SLIT2: variants seen among roughly 807,000 people sequenced by gnomAD.
The protein encoded by SLIT2 is slit guidance ligand 2.
Under a neutral mutation model 185.7 loss-of-function variants are expected in SLIT2, and 41 were observed. The ratio of observed to expected loss-of-function variants is 0.22; its 90% confidence interval spans 0.17 to 0.29. SLIT2 has a LOEUF of 0.29. Among genes scored for constraint, SLIT2 ranks in the 10% least tolerant of loss-of-function variants. The probability of loss-of-function intolerance (pLI) is 1.00; values close to 1 mark genes in which losing one functional copy is unlikely to be tolerated. For synonymous variants in SLIT2, 693 were observed against 680.2 expected (o/e 1.02, Z -0.29); for missense variants, 1,571 against 1,909.0 (o/e 0.82, Z 3.30).
At chr4:20,339,090 C>CAAA (rs398051113) in intron 4 of SLIT2, among the ~76,000 whole-genome samples, 596 of 70,460 alleles carry the variant, frequency 8.5e-3, no homozygotes, top group Non-Finnish European at 1.0e-2. Flanking sequence ...GAGACACTCT[C>CAAA]AAAAAAAAAA....
At chr4:20,417,434 G>GTATATATATATATATATATATA (rs1277638378) in intron 4 of SLIT2, among the ~76,000 whole-genome samples, 1 of 91,922 alleles carries the variant, frequency 1.1e-5, no homozygotes, top group Non-Finnish European at 2.6e-5. Flanking sequence ...ATATGTGTGT[G>GTATATATATATATATATATATA]TGTATATATA....
At chr4:20,353,542 C>T (rs781341190) in intron 4 of SLIT2, among the ~76,000 whole-genome samples, 52 of 151,962 alleles carry the variant, frequency 3.4e-4, no homozygotes, top group South Asian at 6.2e-4. Flanking sequence ...AAACAAAAAG[C>T]GGTTATTTTA....
chr4:20,531,755 GTGT>G (rs1721831840), intron 16 of SLIT2, among the ~76,000 whole-genome samples: 1 of 143,924 alleles, frequency 6.9e-6, no homozygotes. Flanking sequence ...TTTGATCTTT[GTGT>G]TTTTTTTTTT....
At chr4:20,601,288 C>G (rs1488843225) in intron 33 of SLIT2, among the ~76,000 whole-genome samples, 1 of 152,190 alleles carries the variant, frequency 6.6e-6, no homozygotes, top group Admixed American at 6.5e-5. Flanking sequence ...TGCTTCAGCT[C>G]CCTGGGCCTC....
At chr4:20,539,697 TAAA>T in intron 19 of SLIT2, 113 bp downstream of exon 19, 1 of 661,378 alleles carries the variant, frequency 1.5e-6, no homozygotes, top group Non-Finnish European at 2.3e-6. Flanking sequence ...TTTTAGGACT[TAAA>T]AAAGGACAAA....
chr4:20,344,203 CTA>C (rs1225968315), intron 4 of SLIT2, among the ~76,000 whole-genome samples: 8 of 152,142 alleles, frequency 5.3e-5, no homozygotes, highest in Admixed American at 3.9e-4. Context: ...GGTGTTTTTG[CTA>C]CCGTGGCTTA....
intron 29 of SLIT2, among the ~76,000 whole-genome samples, chr4:20,582,215 C>T (rs1240668399): frequency 6.6e-6 from 1 of 152,226 alleles, no homozygotes; most frequent in African/African-American, 2.4e-5. Context: ...TCTCTTAGGG[C>T]TCCTGTTCTT....
At chr4:20,457,330 A>C (rs1577692628) in intron 4 of SLIT2, among the ~76,000 whole-genome samples, 1 of 151,852 alleles carries the variant, frequency 6.6e-6, no homozygotes, top group Non-Finnish European at 1.5e-5. Context: ...AAGGAAGACT[A>C]CTCCAGTATT....
rs758446466 is a variant in SLIT2 at position 20,618,939 on chromosome 4, C to G, written c.4520C>G (p.Thr1507Ser). 6 of 1,614,008 alleles carry G rather than the reference C, an allele frequency of 3.7e-6. No individual in the cohort carries two copies. The highest frequency in any genetic ancestry group is 3.3e-5 in the Admixed American group (2 of 60,002). Residue 1507 changes from threonine (T) to serine (S), a missense_variant, in exon 37 of 37, where the codon ACT becomes AGT. Transcript: ENST00000504154. ...CGGCGGAAATACTCTTTCGAATGCA[C>G]TGACGGCTCCTCCTTTGTGGACGAG... is the stretch of plus-strand genomic sequence containing the variant. ...SKRRKYSFEC[T>S]DGSSFVDEVE... is the part of the protein sequence containing the mutation.
rs571641022 is a variant in SLIT2 at position 20,513,045 on chromosome 4, A to G, written c.1058+1908A>G. Among the ~76,000 whole-genome samples, 4 of 152,352 alleles carry G rather than the reference A, an allele frequency of 2.6e-5. No homozygotes were observed. In the South Asian group the frequency reaches 8.3e-4, roughly 32 times the overall value. On this transcript the variant is annotated intron_variant, in intron 11 of 36. Coordinates refer to ENST00000504154, the MANE Select transcript of SLIT2 (RefSeq NM_004787.4). Reference sequence around the variant, plus strand: ...ATTATGTAATCTAATAAACAATAAAATAGTGTGTTGTCACTCCTTTTGCTA... The same window carrying G: ...ATTATGTAATCTAATAAACAATAAAGTAGTGTGTTGTCACTCCTTTTGCTA...
At chr4:20,476,345 A>G (rs1422999713) in intron 5 of SLIT2, among the ~76,000 whole-genome samples, 1 of 152,126 alleles carries the variant, frequency 6.6e-6, no homozygotes, top group Non-Finnish European at 1.5e-5. Flanking sequence ...ACAATAGTGA[A>G]AAATTGTTAT....
chr4:20,494,145 A>G (rs550744523), intron 9 of SLIT2, among the ~76,000 whole-genome samples: 17 of 152,326 alleles, frequency 1.1e-4, no homozygotes, highest in African/African-American at 3.8e-4. Context: ...TGACAAAAGG[A>G]GAGAATGCAA....
At chr4:20,347,261 C>G (rs770374001) in intron 4 of SLIT2, among the ~76,000 whole-genome samples, 1 of 152,224 alleles carries the variant, frequency 6.6e-6, no homozygotes, top group African/African-American at 2.4e-5. Flanking sequence ...AGGCAGGGCT[C>G]AAGCCCACAT....
At chr4:20,577,402 G>A (rs554223187) in intron 29 of SLIT2, among the ~76,000 whole-genome samples, 3 of 152,182 alleles carry the variant, frequency 2.0e-5, no homozygotes, top group Admixed American at 6.5e-5. Context: ...TTCCTATTTT[G>A]AATTATGATA....
At chr4:20,372,475 T>C (rs891426516) in intron 4 of SLIT2, among the ~76,000 whole-genome samples, 5 of 152,038 alleles carry the variant, frequency 3.3e-5, no homozygotes, top group Non-Finnish European at 5.9e-5. Context: ...AAAGAAATGA[T>C]TTTATATTAT....
At chr4:20,321,460 C>T (rs1211248519) in intron 4 of SLIT2, among the ~76,000 whole-genome samples, 2 of 152,266 alleles carry the variant, frequency 1.3e-5, no homozygotes, top group Admixed American at 6.5e-5. Flanking sequence ...AAGAAGGAGC[C>T]ATAAAATTCA....
intron 5 of SLIT2, among the ~76,000 whole-genome samples, chr4:20,468,203 G>A (rs1714568583): frequency 6.6e-6 from 1 of 151,938 alleles, no homozygotes; most frequent in Non-Finnish European, 1.5e-5. Flanking sequence ...TTATTGTTGG[G>A]CCAGTTCTGC....
chr4:20,481,537 C>A (rs1404963803), intron 6 of SLIT2, among the ~76,000 whole-genome samples: 1 of 152,112 alleles, frequency 6.6e-6, no homozygotes, highest in Admixed American at 6.6e-5. Context: ...AATACACTTA[C>A]AATTCCTCCA....
rs1250795130 is a variant in SLIT2, at chr4:20,510,530, C to T, written c.950C>T (p.Pro317Leu). Residue 317 changes from proline (P) to leucine (L), a missense_variant, in exon 10 of 37, where the codon CCT (proline) becomes CTT (leucine). Around this residue, in one of 3 missense-constraint regions of SLIT2, gnomAD observed 1,202 missense variants for 1,416.4 expected, o/e 0.85. Transcript: ENST00000504154. ...LEQNTIKVIP[P>L]GAFSPYKKLR... Reference sequence around the variant, plus strand: ...CAGAACACAATCAAAGTCATCCCTCCTGGAGCTTTCTCACCATATAAAAAG... The same window carrying T: ...CAGAACACAATCAAAGTCATCCCTCTTGGAGCTTTCTCACCATATAAAAAG... 3 of 1,610,926 alleles carry T rather than the reference C, an allele frequency of 1.9e-6. No individual in the cohort carries two copies. The East Asian group carries it at 6.7e-5, about 36-fold the overall frequency.
Sources: allele counts gnomAD v4.1 joint callset (sites outside exome capture counted in the v4.1 genomes callset), GRCh38; gene constraint gnomAD v4.1.1; regional missense constraint gnomAD v4.1.1; transcripts MANE v1.5; gene names NCBI Gene and HGNC (gene_info 2026-07-23, HGNC 2026-07-21).